Variants in NAV2 observed in about 807,000 individuals in gnomAD.
NAV2 encodes neuron navigator 2.
Under a neutral mutation model 223.2 loss-of-function variants are expected in NAV2, and 54 were observed. The ratio of observed to expected loss-of-function variants is 0.24; its 90% CI spans 0.19 to 0.30. The LOEUF is 0.30. Among genes scored for constraint, NAV2 ranks in the 10% least tolerant of loss-of-function variants. NAV2 has a pLI of 1.00. For synonymous variants in NAV2, 1,279 were observed against 1,239.3 expected (o/e 1.03, Z -0.67); for missense variants, 2,806 against 3,147.5 (o/e 0.89, Z 2.60).
chr11:19,661,258 T>C (rs1353320597), intron 1 of NAV2, among the ~76,000 whole-genome samples: 1 of 152,196 alleles, frequency 6.6e-6, no homozygotes, highest in African/African-American at 2.4e-5. Context: ...CTCATCTATG[T>C]TGTAGCACGT....
At position 19,439,349 on chromosome 11, in the gene NAV2, T is replaced by C. The variant is rs75247298; in HGVS notation, c.75+88322T>C. ...GAGAGGATCAGAAAAAAATAACTAATAGGTACTAGGCTTAATACCTGGGTG... is the reference window on the plus strand; with the variant it reads ...GAGAGGATCAGAAAAAAATAACTAACAGGTACTAGGCTTAATACCTGGGTG... On this transcript the variant is annotated intron_variant, in intron 1 of 37. Transcript: ENST00000360655. Among the ~76,000 whole-genome samples, 1,075 of 152,194 alleles carry C rather than the reference T, an allele frequency of 7.1e-3. 6 individuals are homozygous for C. Among genetic ancestry groups the C allele is most frequent in the South Asian group, 0.026 (126 of 4,814 alleles).
At chr11:20,097,818 T>C in intron 31 of NAV2, 73 bp downstream of exon 31, 3 of 1,369,406 alleles carry the variant, frequency 2.2e-6, no homozygotes, top group South Asian at 1.5e-5. Flanking sequence ...GCATAGGCAC[T>C]TGTGGCCCCA....
chr11:19,557,098 A>G (rs2044919767), intron 1 of NAV2, among the ~76,000 whole-genome samples: 1 of 152,264 alleles, frequency 6.6e-6, no homozygotes, highest in Non-Finnish European at 1.5e-5. Context: ...CAAATGAACA[A>G]AGAAAATATA....
intron 1 of NAV2, among the ~76,000 whole-genome samples, chr11:19,406,495 C>G (rs1166838207): frequency 2.0e-5 from 3 of 152,196 alleles, no homozygotes; most frequent in African/African-American, 7.2e-5. Context: ...TAGACAGAGC[C>G]GAGGCCATGG....
chr11:19,716,724 C>A (rs1460830558), intron 1 of NAV2, among the ~76,000 whole-genome samples: 1 of 152,170 alleles, frequency 6.6e-6, no homozygotes, highest in Non-Finnish European at 1.5e-5. Flanking sequence ...TTTACAGAAA[C>A]ACTTAAATCA....
chr11:19,932,565 C>T (rs968930657), intron 6 of NAV2, among the ~76,000 whole-genome samples: 1 of 152,146 alleles, frequency 6.6e-6, no homozygotes, highest in Admixed American at 6.5e-5. Context: ...GTGATCTGCC[C>T]GCCTCGGCCT....
At chr11:19,442,123 T>A (rs757516364) in intron 1 of NAV2, among the ~76,000 whole-genome samples, 10 of 152,244 alleles carry the variant, frequency 6.6e-5, no homozygotes, top group Non-Finnish European at 1.3e-4. Context: ...AAACAGGGAC[T>A]GCTGTGGCGG....
chr11:19,611,545 T>C (rs551522753), intron 1 of NAV2, among the ~76,000 whole-genome samples: 2 of 152,280 alleles, frequency 1.3e-5, no homozygotes, highest in South Asian at 4.2e-4. Flanking sequence ...ATACAGTCAT[T>C]CCAAATGGGA....
At chr11:20,075,405 G>T (rs2059671416) in intron 22 of NAV2, among the ~76,000 whole-genome samples, 1 of 137,100 alleles carries the variant, frequency 7.3e-6, no homozygotes. Context: ...TTGTTTGTTT[G>T]TTTGTTTTTG....
chr11:19,518,480 G>C (rs1055045643), intron 1 of NAV2: 2 of 152,304 alleles, frequency 1.3e-5, no homozygotes, highest in Non-Finnish European at 2.9e-5. Context: ...ACCAGATGTA[G>C]AGTTGTTCTC....
intron 11 of NAV2, among the ~76,000 whole-genome samples, chr11:20,020,478 G>A (rs908023854): frequency 2.6e-5 from 4 of 152,122 alleles, no homozygotes; most frequent in Admixed American, 2.0e-4. Flanking sequence ...TTCCTCTCTC[G>A]TTGCCTGGGT....
At chr11:19,420,946 G>A (rs1353703439) in intron 1 of NAV2, among the ~76,000 whole-genome samples, 1 of 152,184 alleles carries the variant, frequency 6.6e-6, no homozygotes, top group East Asian at 1.9e-4. Context: ...GACCTCCACG[G>A]TGCATGGCAG....
Position 20,045,319 on chromosome 11 carries a change from C to A in NAV2, c.3551C>A (p.Ser1184Tyr). Residue 1184 changes from serine to tyrosine, a missense_variant, in exon 14 of 38, where the codon TCC (serine) becomes TAC (tyrosine). Coordinates refer to ENST00000349880, the MANE Select transcript of NAV2 (RefSeq NM_145117.5). ...GATGACGGGTATCTAGCCCTAAGCT[C>A]CCGGACAAACCTTCAGTACCGGAGT... ...NQDDGYLALSSRTNLQYRSLP... is the reference protein window; with the variant it reads ...NQDDGYLALSYRTNLQYRSLP... 1 of 1,614,146 alleles carries A rather than the reference C, an allele frequency of 6.2e-7. No homozygotes were observed. The highest frequency in any genetic ancestry group is 8.5e-7 in the Non-Finnish European group (1 of 1,180,026).
At position 19,618,408 on chromosome 11, in the gene NAV2, G is replaced by GAATGAATA. The variant is rs1288064251; in HGVS notation, c.76-214076_76-214075insAATGAATA. Among the ~76,000 whole-genome samples, 1,374 of 142,170 alleles carry GAATGAATA rather than the reference G, an allele frequency of 9.7e-3. 20 individuals carry two copies. Among genetic ancestry groups the GAATGAATA allele is most frequent in the South Asian group, 0.015 (69 of 4,490 alleles). 93.3% of individuals were successfully genotyped at this position (142,170 alleles called of 152,430 possible). The stretch of plus-strand genomic sequence containing the variant: ...TGGATGGATGGATGAATAGATGGAT[G>GAATGAATA]GATGGATGGATGGATGGATGGATGG... On this transcript the variant is annotated intron_variant, in intron 1 of 37. Transcript: ENST00000360655.
At chr11:20,051,473 G>T (rs1000405269) in intron 17 of NAV2, 140 bp downstream of exon 17, 3 of 763,782 alleles carry the variant, frequency 3.9e-6, no homozygotes, top group Non-Finnish European at 7.1e-6. Context: ...TTTGGATGAC[G>T]GCTCCCCTTG....
In NAV2 at chr11:19,578,533, T is replaced by C. The variant is rs190148218; in HGVS notation, c.75+227506T>C. 6.0e-4 allele frequency among the ~76,000 whole-genome samples: 92 copies of C among 152,304 alleles called. No individual in the cohort carries two copies. The East Asian group carries it at 0.017, about 28-fold the overall frequency. On this transcript the variant is annotated intron_variant, in intron 1 of 37. Transcript: ENST00000360655. ...GAATGGGATGCCTGGACTCCAGTTC[T>C]GGCCCTGCTCTGTGGTGACATTGTG...
chr11:19,485,149 T>C (rs915423663), intron 1 of NAV2, among the ~76,000 whole-genome samples: 3 of 152,136 alleles, frequency 2.0e-5, no homozygotes, highest in Non-Finnish European at 4.4e-5. Flanking sequence ...AGTGCAAAGG[T>C]CCTTATCTAG....
chr11:19,524,529 C>A (rs988530373), intron 1 of NAV2, among the ~76,000 whole-genome samples: 2 of 152,128 alleles, frequency 1.3e-5, no homozygotes, highest in Non-Finnish European at 2.9e-5. Flanking sequence ...GCAGGGCAGG[C>A]ACGTCTGGCA....
chr11:20,101,679 C>G (rs2061652828), intron 32 of NAV2, among the ~76,000 whole-genome samples: 1 of 152,180 alleles, frequency 6.6e-6, no homozygotes, highest in South Asian at 2.1e-4. Context: ...TAAGACCACT[C>G]AGATGGTACT....
Sources: allele counts gnomAD v4.1 joint callset (sites outside exome capture counted in the v4.1 genomes callset), GRCh38; gene constraint gnomAD v4.1.1; transcripts MANE v1.5; gene names NCBI Gene and HGNC (gene_info 2026-07-23, HGNC 2026-07-21).